Variants in CCDC192 observed in about 807,000 individuals in gnomAD.
CCDC192 encodes coiled-coil domain containing 192, also known as coiled-coil domain-containing protein 192.
chr5:127,714,141 G>A (rs527285162), intron 2 of CCDC192, among the ~76,000 whole-genome samples: 1 of 152,076 alleles, frequency 6.6e-6, no homozygotes, highest in Admixed American at 6.6e-5. Context: ...TGTCCTCCAG[G>A]TCCACCTATG....
At chr5:127,832,795 C>A (rs1393946974) in intron 5 of CCDC192, among the ~76,000 whole-genome samples, 1 of 152,038 alleles carries the variant, frequency 6.6e-6, no homozygotes, top group East Asian at 1.9e-4. Context: ...AGCTAAAAAC[C>A]AAACAAAATA....
intron 5 of CCDC192, among the ~76,000 whole-genome samples, chr5:127,867,102 T>C (rs1316831431): frequency 1.3e-5 from 2 of 152,196 alleles, no homozygotes; most frequent in East Asian, 1.9e-4. Flanking sequence ...AGAATATTCA[T>C]TGGGAAAGTT....
At chr5:127,822,954 A>C (rs971543798) in intron 5 of CCDC192, among the ~76,000 whole-genome samples, 2 of 152,150 alleles carry the variant, frequency 1.3e-5, no homozygotes, top group African/African-American at 4.8e-5. Context: ...GTCTTAAGAC[A>C]AGGTTTCCAG....
At chr5:127,892,387 C>T (rs920945711) in intron 6 of CCDC192, among the ~76,000 whole-genome samples, 4 of 152,034 alleles carry the variant, frequency 2.6e-5, no homozygotes, top group Admixed American at 1.3e-4. Context: ...ATGGAACTAG[C>T]AGAACAGAAA....
At chr5:127,827,025 T>C (rs1249334891) in intron 5 of CCDC192, among the ~76,000 whole-genome samples, 9 of 152,182 alleles carry the variant, frequency 5.9e-5, no homozygotes, top group Non-Finnish European at 1.0e-4. Context: ...ATTTTTAAAA[T>C]ATGACAAATG....
intron 5 of CCDC192, among the ~76,000 whole-genome samples, chr5:127,839,378 A>G (rs567372572): frequency 1.3e-5 from 2 of 152,368 alleles, no homozygotes; most frequent in East Asian, 1.9e-4. Context: ...ATGTATTAGT[A>G]TGCTACAAAT....
intron 5 of CCDC192, among the ~76,000 whole-genome samples, chr5:127,866,294 G>A (rs1751609067): frequency 6.6e-6 from 1 of 151,822 alleles, no homozygotes; most frequent in Non-Finnish European, 1.5e-5. Flanking sequence ...TGAGCTAGGA[G>A]CCAAGTTTGA....
intron 6 of CCDC192, among the ~76,000 whole-genome samples, chr5:127,886,015 T>A (rs1443897839): frequency 1.3e-5 from 2 of 152,154 alleles, no homozygotes; most frequent in Non-Finnish European, 2.9e-5. Flanking sequence ...CGTATGCAGT[T>A]GGATCCCAGA....
At chr5:127,719,670 T>C (rs765547545) in intron 2 of CCDC192, among the ~76,000 whole-genome samples, 2 of 150,884 alleles carry the variant, frequency 1.3e-5, no homozygotes, top group African/African-American at 4.9e-5. Context: ...TCTAAAGAAC[T>C]ACCTGAGACT....
At chr5:127,932,276 C>A (rs1337963770) in intron 6 of CCDC192, among the ~76,000 whole-genome samples, 1 of 152,008 alleles carries the variant, frequency 6.6e-6, no homozygotes, top group Non-Finnish European at 1.5e-5. Flanking sequence ...ACGATCTTGG[C>A]TCACTGCAAC....
Position 127,714,669 on chromosome 5 carries a change from C to T in CCDC192, c.114+6909C>T, listed in dbSNP as rs1245590330. ...ATAGGCATGAGCCACTACGCCTGGCCAGTAGTTCTATTTTTAATTTTTAAG... is the reference window on the plus strand; with the variant it reads ...ATAGGCATGAGCCACTACGCCTGGCTAGTAGTTCTATTTTTAATTTTTAAG... On this transcript the variant is annotated intron_variant, in intron 2 of 6. Coordinates refer to ENST00000514853, the MANE Select transcript of CCDC192 (RefSeq NM_001317938.2). Among the ~76,000 whole-genome samples, 6 of 152,144 alleles carry T rather than the reference C, an allele frequency of 3.9e-5. No homozygotes were observed. In the South Asian group the frequency reaches 1.0e-3, roughly 26 times the overall value.
At chr5:127,887,328 C>CAAAAAAAAAAAAA (rs10658827) in intron 6 of CCDC192, among the ~76,000 whole-genome samples, 1 of 87,604 alleles carries the variant, frequency 1.1e-5, no homozygotes, top group Non-Finnish European at 2.1e-5. Context: ...GACTCTGTCT[C>CAAAAAAAAAAAAA]AAAAAAAAAA....
intron 2 of CCDC192, among the ~76,000 whole-genome samples, chr5:127,723,397 TCTGCAAACAAGGATAATTTGA>T (rs1322165750): frequency 1.3e-5 from 2 of 152,216 alleles, no homozygotes; most frequent in African/African-American, 4.8e-5. Flanking sequence ...GATCATATTA[TCTGCAAACAAGGATAATTTGA>T]CTTCTTCCTT....
At chr5:127,903,130 G>C (rs1753090487) in intron 6 of CCDC192, among the ~76,000 whole-genome samples, 1 of 152,040 alleles carries the variant, frequency 6.6e-6, no homozygotes, top group Non-Finnish European at 1.5e-5. Context: ...TAAAGAGGCA[G>C]ACACCAGCAG....
chr5:127,820,626 C>A (rs1271124588), intron 5 of CCDC192, among the ~76,000 whole-genome samples: 1 of 152,080 alleles, frequency 6.6e-6, no homozygotes, highest in Non-Finnish European at 1.5e-5. Flanking sequence ...AAATGTCTTC[C>A]TTCTCCTTCC....
intron 2 of CCDC192, among the ~76,000 whole-genome samples, chr5:127,709,102 GGAGA>G (rs540628735): frequency 0.02 from 1,171 of 57,288 alleles, 18 homozygotes; most frequent in Middle Eastern, 0.032. Context: ...AGTGGGAGCA[GGAGA>G]GAGAGAGAGA....
At chr5:127,923,405 T>C (rs558102874) in intron 6 of CCDC192, among the ~76,000 whole-genome samples, 1 of 147,946 alleles carries the variant, frequency 6.8e-6, no homozygotes, top group South Asian at 2.1e-4. Context: ...TGAGACAGAG[T>C]CTCACTCTGC....
At chr5:127,863,881 G>A (rs1751479983) in intron 5 of CCDC192, among the ~76,000 whole-genome samples, 1 of 152,166 alleles carries the variant, frequency 6.6e-6, no homozygotes, top group African/African-American at 2.4e-5. Flanking sequence ...CAAAATTAAG[G>A]AGCATATTAT....
chr5:127,798,069 G>A (rs1434336201), intron 4 of CCDC192, 37 bp from the exon 5 acceptor site: 2 of 397,632 alleles, frequency 5.0e-6, no homozygotes, highest in Non-Finnish European at 8.9e-6. Context: ...AAAAGAAAGA[G>A]TTACATACTT....
Sources: allele counts gnomAD v4.1 joint callset (sites outside exome capture counted in the v4.1 genomes callset), GRCh38; gene constraint gnomAD v4.1.1; transcripts MANE v1.5; gene names NCBI Gene and HGNC (gene_info 2026-07-23, HGNC 2026-07-21).